The following PRKCB variants were observed in gnomAD, a reference collection of about 807,000 sequenced individuals.
The protein encoded by PRKCB is protein kinase C beta.
In PRKCB, 13 loss-of-function variants were observed where a neutral mutation model predicts 81.5. The ratio of observed to expected loss-of-function variants is 0.16; its 90% CI spans 0.10 to 0.25. PRKCB has a LOEUF of 0.25. Ranked by LOEUF, PRKCB falls within the 10% of genes least tolerant of loss-of-function variation. PRKCB has a pLI of 1.00. For synonymous variants in PRKCB, 335 were observed against 321.4 expected, an observed-to-expected ratio of 1.04 and a Z score of -0.45; for missense variants, 509 against 875.7, an observed-to-expected ratio of 0.58 and a Z score of 5.29.
At chr16:24,103,706 C>T (rs1966539066) in intron 7 of PRKCB, among the ~76,000 whole-genome samples, 1 of 152,118 alleles carries the variant, frequency 6.6e-6, no homozygotes, top group African/African-American at 2.4e-5. Context: ...CCTTGTCTTC[C>T]CCTCCCCTCT....
At chr16:24,043,755 C>T (rs1048136430) in intron 5 of PRKCB, among the ~76,000 whole-genome samples, 11 of 152,286 alleles carry the variant, frequency 7.2e-5, no homozygotes, top group East Asian at 1.9e-4. Flanking sequence ...GTGCTGGGCG[C>T]GGTCATTGCT....
At position 24,159,482 on chromosome 16, in the gene PRKCB, C is replaced by T. The variant is rs114056841; in HGVS notation, c.1239+4625C>T. ...CTCTAGCTGTATTATCTCATTTTAT[C>T]CTCCTGATACCTCTATTGGAAAGGT... On this transcript the variant is annotated intron_variant, in intron 10 of 16. Coordinates refer to ENST00000643927, the MANE Select transcript of PRKCB (RefSeq NM_002738.7). Among the ~76,000 whole-genome samples the T allele has an allele frequency of 7.5e-3, 1,131 of 150,914 alleles. 12 individuals are homozygous for T. The highest frequency in any genetic ancestry group is 0.024 in the African/African-American group (976 of 40,284).
At chr16:23,975,620 A>C (rs1030051150) in intron 2 of PRKCB, among the ~76,000 whole-genome samples, 1 of 152,146 alleles carries the variant, frequency 6.6e-6, no homozygotes, top group African/African-American at 2.4e-5. Flanking sequence ...TCCTAGGTGC[A>C]TTACGTCTTC....
intron 9 of PRKCB, among the ~76,000 whole-genome samples, chr16:24,128,476 G>A (rs1966848417): frequency 6.6e-6 from 1 of 152,240 alleles, no homozygotes. Context: ...AAGGCAGGAA[G>A]CAATGGTGAA....
chr16:24,139,141 C>T (rs966314311), intron 9 of PRKCB, among the ~76,000 whole-genome samples: 11 of 151,980 alleles, frequency 7.2e-5, no homozygotes, highest in African/African-American at 2.2e-4. Context: ...CGTGAGCCAC[C>T]GTGCCTGGCC....
chr16:24,112,862 C>T (rs1966692332), intron 7 of PRKCB, 111 bp from the exon 8 acceptor site: 3 of 732,824 alleles, frequency 4.1e-6, no homozygotes, highest in East Asian at 2.8e-5. Context: ...AAACCCTCAA[C>T]GTATATTTTT....
chr16:23,886,821 C>T (rs1963211391), intron 2 of PRKCB, among the ~76,000 whole-genome samples: 1 of 152,182 alleles, frequency 6.6e-6, no homozygotes, highest in East Asian at 1.9e-4. Context: ...TCCCCTTCAT[C>T]TCTGCCTGTA....
At position 24,185,118 on chromosome 16, in the gene PRKCB, C is replaced by T. The variant is rs751018138; in HGVS notation, c.1541C>T (p.Ala514Val). ...TPDYIAPEII[A>V]YQPYGKSVDW... ...GTGCCTTCTCTTTTCTAGATAATTG[C>T]TTATCAGCCCTATGGGAAGTCCGTG... is the stretch of plus-strand genomic sequence containing the variant. The change falls in exon 14 of 17, where the codon GCT becomes GTT. Residue 514 changes from alanine to valine, a missense_variant. Coordinates refer to ENST00000643927, the MANE Select transcript of PRKCB (RefSeq NM_002738.7). 6.2e-7 allele frequency: 1 copy of T among 1,613,946 alleles called. No homozygotes were observed. The highest frequency in any genetic ancestry group is 8.5e-7 in the Non-Finnish European group (1 of 1,179,868).
chr16:23,940,934 C>A (rs1964134021), intron 2 of PRKCB, among the ~76,000 whole-genome samples: 1 of 152,158 alleles, frequency 6.6e-6, no homozygotes, highest in Non-Finnish European at 1.5e-5. Flanking sequence ...ATAATGCATG[C>A]AAATAGCTCA....
chr16:23,905,686 T>A (rs1199223810), intron 2 of PRKCB, among the ~76,000 whole-genome samples: 1 of 152,216 alleles, frequency 6.6e-6, no homozygotes, highest in Non-Finnish European at 1.5e-5. Flanking sequence ...CCTATGGATA[T>A]CTTGGCAGAC....
At chr16:24,161,344 T>G (rs1418689567) in intron 10 of PRKCB, among the ~76,000 whole-genome samples, 1 of 152,214 alleles carries the variant, frequency 6.6e-6, no homozygotes, top group Non-Finnish European at 1.5e-5. Context: ...AAATCCTATT[T>G]AAGATATTAT....
intron 5 of PRKCB, among the ~76,000 whole-genome samples, chr16:24,052,324 T>C (rs1965852954): frequency 6.6e-6 from 1 of 152,146 alleles, no homozygotes; most frequent in South Asian, 2.1e-4. Flanking sequence ...TGCTGGTGTG[T>C]TCACACTCCG....
chr16:24,001,560 A>G (rs1359490466), intron 3 of PRKCB, among the ~76,000 whole-genome samples: 1 of 152,252 alleles, frequency 6.6e-6, no homozygotes, highest in African/African-American at 2.4e-5. Flanking sequence ...TCTGGTTGAA[A>G]TGGATGATTT....
chr16:24,107,276 G>A (rs1966591097), intron 7 of PRKCB, among the ~76,000 whole-genome samples: 1 of 152,152 alleles, frequency 6.6e-6, no homozygotes. Flanking sequence ...TGTATTTCAT[G>A]GGAGTTACTT....
intron 5 of PRKCB, among the ~76,000 whole-genome samples, chr16:24,088,450 C>A (rs545107162): frequency 6.6e-6 from 1 of 152,256 alleles, no homozygotes; most frequent in Non-Finnish European, 1.5e-5. Context: ...TTCTTGGCTG[C>A]ACACAGTGGC....
intron 2 of PRKCB, among the ~76,000 whole-genome samples, chr16:23,872,963 A>C (rs1962931074): frequency 6.6e-6 from 1 of 151,518 alleles, no homozygotes; most frequent in Admixed American, 6.6e-5. Flanking sequence ...AGATCATCTG[A>C]GGTTAGGAGT....
chr16:24,098,360 T>C (rs1044411498), intron 7 of PRKCB: 3 of 152,186 alleles, frequency 2.0e-5, no homozygotes, highest in African/African-American at 7.2e-5. Context: ...TAGAAAAAGA[T>C]ATGCTGAAAT....
chr16:24,001,868 A>G (rs988244626), intron 3 of PRKCB, among the ~76,000 whole-genome samples: 3 of 152,188 alleles, frequency 2.0e-5, no homozygotes, highest in African/African-American at 7.2e-5. Context: ...TGAGAAGGAC[A>G]TTGGGAGTAG....
intron 2 of PRKCB, among the ~76,000 whole-genome samples, chr16:23,871,261 C>A (rs1382802126): frequency 6.6e-6 from 1 of 152,180 alleles, no homozygotes; most frequent in East Asian, 1.9e-4. Context: ...CATGCTGGCT[C>A]CTTCACCAGC....
Sources: allele counts gnomAD v4.1 joint callset (sites outside exome capture counted in the v4.1 genomes callset), GRCh38; gene constraint gnomAD v4.1.1; transcripts MANE v1.5; gene names NCBI Gene and HGNC (gene_info 2026-07-23, HGNC 2026-07-21).